ARHGAP30: variants seen among roughly 807,000 people sequenced by gnomAD.
The protein encoded by ARHGAP30 is rho GTPase-activating protein 30.
ARHGAP30 carries 23 observed loss-of-function variants against 72.0 expected under a neutral mutation model. The observed-to-expected ratio is 0.32, with a 90% CI of 0.23 to 0.45. ARHGAP30 has a LOEUF of 0.45. Among genes scored for constraint, ARHGAP30 ranks in the 20% least tolerant of loss-of-function variants. The pLI is 1.00. For synonymous variants in ARHGAP30, 576 were observed against 528.2 expected (o/e 1.09, Z -1.24); for missense variants, 1,319 against 1,383.4 (o/e 0.95, Z 0.74).
intron 1 of ARHGAP30, among the ~76,000 whole-genome samples, chr1:161,066,193 G>A (rs920905854): frequency 4.0e-5 from 6 of 149,822 alleles, no homozygotes; most frequent in Admixed American, 1.4e-4. Context: ...CTCCTCATAC[G>A]ACCTGGCTTT....
rs536144413 is a variant in ARHGAP30, at chr1:161,069,222, G to A, written c.97+306C>T. On this transcript the variant is annotated intron_variant, in intron 1 of 11. Coordinates refer to ENST00000368013, the MANE Select transcript of ARHGAP30 (RefSeq NM_001025598.2). This position sits in a 1 kb window ranked among gnomAD's most constrained non-coding sequence, Gnocchi z 4.9. ...CTCTCCTGTTCCCAGTCACCTGCCC[G>A]CTGTTTCATCCACTCCTCCTCGGTT... Among the ~76,000 whole-genome samples, 4 of 152,006 alleles carry A rather than the reference G, an allele frequency of 2.6e-5. No individual in the cohort carries two copies. Among genetic ancestry groups the A allele is most frequent in the African/African-American group, 9.7e-5 (4 of 41,434 alleles).
In ARHGAP30 at chr1:161,056,573, G is replaced by T. The variant is rs12038340; in HGVS notation, c.201-41C>A. The T allele has an allele frequency of 1.2e-3, 1,877 of 1,593,886 alleles. 41 individuals are homozygous for T. In the East Asian group the frequency reaches 0.041, roughly 34 times the overall value. On this transcript the variant is annotated intron_variant, in intron 2 of 11. Coordinates refer to ENST00000368013, the MANE Select transcript of ARHGAP30 (RefSeq NM_001025598.2). ...GTGGTCAGGAGTGGTAGGGGTTGGG[G>T]TGATGTGGGGAGAGGTGGGTCCCTA...
chr1:161,061,448 T>TAATTTTTGTATTTTTAGTA (rs1402254176), intron 1 of ARHGAP30, among the ~76,000 whole-genome samples: 25 of 112,802 alleles, frequency 2.2e-4, no homozygotes, highest in South Asian at 5.1e-4. Flanking sequence ...CCACCGCGCC[T>TAATTTTTGTATTTTTAGTA]GACCTGCTTT....
At position 161,066,509 on chromosome 1, in the gene ARHGAP30, G is replaced by T. The variant is rs932978750; in HGVS notation, c.97+3019C>A. On this transcript the variant is annotated intron_variant, in intron 1 of 11. Transcript: ENST00000368013. ...TAAAAAGTACAAAAATTAGCCAGGC[G>T]TGGTGGTGCCTGTAGTCCCAGCTAC... Among the ~76,000 whole-genome samples, 3 of 151,270 alleles carry T rather than the reference G, an allele frequency of 2.0e-5. No individual in the cohort carries two copies. The East Asian group carries it at 5.9e-4, about 30-fold the overall frequency.
At chr1:161,064,276 T>G (rs1652528752) in intron 1 of ARHGAP30, among the ~76,000 whole-genome samples, 1 of 152,208 alleles carries the variant, frequency 6.6e-6, no homozygotes, top group African/African-American at 2.4e-5. Context: ...CAGCCGACGC[T>G]TAGGAAAATA....
Position 161,069,108 on chromosome 1 carries a change from G to C in ARHGAP30, c.97+420C>G, listed in dbSNP as rs1652977765. Among the ~76,000 whole-genome samples, 1 of 151,956 alleles carries C rather than the reference G, an allele frequency of 6.6e-6. No individual in the cohort carries two copies. ...AAGGGCCATCTTGAGACCCTTCTGG[G>C]GCCATTTCCCTGTCTCCTTTCATTC... On this transcript the variant is annotated intron_variant, in intron 1 of 11. Coordinates refer to ENST00000368013, the MANE Select transcript of ARHGAP30 (RefSeq NM_001025598.2). The surrounding 1 kb of genome is among the most constrained non-coding windows in gnomAD (Gnocchi z 4.9).
intron 1 of ARHGAP30, among the ~76,000 whole-genome samples, chr1:161,063,355 A>G (rs1047979319): frequency 2.0e-5 from 3 of 152,190 alleles, no homozygotes; most frequent in African/African-American, 7.2e-5. Flanking sequence ...TAGTTCCCCA[A>G]ATTAATACTT....
chr1:161,049,021 C>A lies in ARHGAP30; in HGVS notation c.2000G>T (p.Gly667Val). The change falls in exon 12 of 12, where the codon GGC becomes GTC. Residue 667 changes from glycine (G) to valine (V), a missense_variant. Physicochemically the swap from Gly to Val is moderately radical, Grantham distance 109 (BLOSUM62 -3). Around this residue, in one of 2 missense-constraint regions of ARHGAP30, gnomAD observed 1,097 missense variants for 1,045.2 expected, o/e 1.05. Coordinates refer to ENST00000368013, the MANE Select transcript of ARHGAP30 (RefSeq NM_001025598.2). ...TGCCTCTTCCCTGATGTCTAGCCTG[C>A]CTCCAGGCTCAGCCTGCTTGTCCTC... is the stretch of plus-strand genomic sequence containing the variant. ...VGEDKQAEPGGRLDIREEAEG... is the reference protein window; with the variant it reads ...VGEDKQAEPGVRLDIREEAEG... 1 of 1,613,988 alleles carries A rather than the reference C, an allele frequency of 6.2e-7. No individual in the cohort carries two copies. The highest frequency in any genetic ancestry group is 8.5e-7 in the Non-Finnish European group (1 of 1,180,018).
chr1:161,055,659 C>T (rs983623930), intron 3 of ARHGAP30, among the ~76,000 whole-genome samples: 7 of 151,492 alleles, frequency 4.6e-5, no homozygotes, highest in Non-Finnish European at 8.8e-5. Flanking sequence ...GGCATTGTGG[C>T]GGGCTCTCCA....
Position 161,048,934 on chromosome 1 carries a change from C to G in ARHGAP30, c.2087G>C (p.Gly696Ala), listed in dbSNP as rs746576464. ...GKASEDRGEA[G>A]GSQETKVRLR... ...TCTGACTTTTGTCTCTTGGCTTCCC[C>G]CAGCCTCCCCTCTATCCTCACTGGC... is the stretch of plus-strand genomic sequence containing the variant. The change falls in exon 12 of 12, where the codon GGG (glycine) becomes GCG (alanine). Residue 696 changes from glycine to alanine, a missense_variant. Physicochemically the swap from Gly to Ala is moderately conservative, Grantham distance 60. Around this residue, in one of 2 missense-constraint regions of ARHGAP30, gnomAD observed 1,097 missense variants for 1,045.2 expected, o/e 1.05. Transcript: ENST00000368013. 6.2e-7 allele frequency: 1 copy of G among 1,614,050 alleles called. No homozygotes were observed. The highest frequency in any genetic ancestry group is 1.1e-5 in the South Asian group (1 of 91,080).
At chr1:161,058,946 T>C (rs1652115853) in intron 2 of ARHGAP30, among the ~76,000 whole-genome samples, 1 of 151,962 alleles carries the variant, frequency 6.6e-6, no homozygotes, top group Non-Finnish European at 1.5e-5. Context: ...ATATACCATG[T>C]GAATAGTATG....
chr1:161,051,676 C>T lies in ARHGAP30; in HGVS notation c.1058G>A (p.Ser353Asn). 6.2e-7 allele frequency: 1 copy of T among 1,612,480 alleles called. No homozygotes were observed. Reference protein sequence around the residue: ...GLVGPSSPRPSPLLPESLEND... With the variant: ...GLVGPSSPRPNPLLPESLEND... ...CTCCAAGCTCTCAGGCAGCAATGGGCTTGGCCGGGGGCTGCTGGGCCCCAC... is the reference window on the plus strand; with the variant it reads ...CTCCAAGCTCTCAGGCAGCAATGGGTTTGGCCGGGGGCTGCTGGGCCCCAC... Residue 353 changes from serine to asparagine, a missense_variant, in exon 10 of 12, where the codon AGC (serine) becomes AAC (asparagine). Transcript: ENST00000368013.
chr1:161,056,631 C>G, intron 2 of ARHGAP30, 99 bp from the exon 3 acceptor site: 1 of 1,347,906 alleles, frequency 7.4e-7, no homozygotes, highest in Non-Finnish European at 1.0e-6. Flanking sequence ...CGTGGGTCAA[C>G]ATGTGTTGGA....
chr1:161,047,074 T>A lies in ARHGAP30; in HGVS notation c.*641A>T. ...TTCCCTTTCCTGAAATAGGAACAAG[T>A]TATTCCAAAGGAGAAAGGAGAGCCC... On this transcript the variant is annotated 3_prime_UTR_variant, in exon 12 of 12. Transcript: ENST00000368013. The A allele has an allele frequency of 2.2e-6, 1 of 445,858 alleles. No individual in the cohort carries two copies. Among genetic ancestry groups the A allele is most frequent in the South Asian group, 1.7e-5 (1 of 60,298 alleles). 27.6% of individuals were successfully genotyped at this position (445,858 alleles called of 1,614,324 possible). A position where few individuals can be genotyped will look rare whatever the true frequency, so the allele number is the denominator to read the frequency against.
At chr1:161,055,861 A>AAAATAAAAT (rs1557926448) in intron 3 of ARHGAP30, among the ~76,000 whole-genome samples, 5 of 18,346 alleles carry the variant, frequency 2.7e-4, no homozygotes, top group South Asian at 1.3e-3. Flanking sequence ...TAAAATAAAT[A>AAAATAAAAT]AAATAAAATA....
At position 161,052,803 on chromosome 1, in the gene ARHGAP30, A is replaced by G; in HGVS notation, c.665-6T>C. On this transcript the variant is annotated splice_polypyrimidine_tract_variant and splice_region_variant and intron_variant, in intron 6 of 11. Coordinates refer to ENST00000368013, the MANE Select transcript of ARHGAP30 (RefSeq NM_001025598.2). Reference sequence around the variant, plus strand: ...CCCACTCTCCACCTCACCACCTGGGAAAAGAAAAGGAATTGGCCAGCCAGG... The same window carrying G: ...CCCACTCTCCACCTCACCACCTGGGGAAAGAAAAGGAATTGGCCAGCCAGG... The G allele has an allele frequency of 6.2e-7, 1 of 1,609,578 alleles. No individual in the cohort carries two copies. Among genetic ancestry groups the G allele is most frequent in the Non-Finnish European group, 8.5e-7 (1 of 1,178,692 alleles).
chr1:161,047,980 C>T lies in ARHGAP30; in HGVS notation c.3041G>A (p.Gly1014Glu), dbSNP rs1185575374. Residue 1014 changes from glycine (G) to glutamate (E), a missense_variant, in exon 12 of 12, where the codon GGA becomes GAA. Physicochemically the swap from Gly to Glu is moderately conservative, Grantham distance 98. Around this residue, in one of 2 missense-constraint regions of ARHGAP30, gnomAD observed 1,097 missense variants for 1,045.2 expected, o/e 1.05. Transcript: ENST00000368013. ...ARDRQRTEAQ[G>E]VRRTQTCTEG... ...AGTACAGGTCTGGGTTCGCCGAACTCCTTGAGCCTCAGTCCTTTGGCGGTC... is the reference window on the plus strand; with the variant it reads ...AGTACAGGTCTGGGTTCGCCGAACTTCTTGAGCCTCAGTCCTTTGGCGGTC... 4.2e-5 allele frequency: 67 copies of T among 1,614,042 alleles called. No homozygotes were observed. Among genetic ancestry groups the T allele is most frequent in the Non-Finnish European group, 5.5e-5 (65 of 1,180,018 alleles).
intron 1 of ARHGAP30, chr1:161,060,143 T>C (rs142669008): frequency 6.2e-5 from 25 of 406,020 alleles, no homozygotes; most frequent in East Asian, 5.9e-4. Flanking sequence ...AAATGGGGTG[T>C]GGTGGTACAT....
intron 3 of ARHGAP30, among the ~76,000 whole-genome samples, chr1:161,054,956 C>T (rs942181683): frequency 1.3e-5 from 2 of 152,112 alleles, no homozygotes; most frequent in Non-Finnish European, 2.9e-5. Context: ...TACCATCCTC[C>T]ATCCGTAGAG....
Sources: allele counts gnomAD v4.1 joint callset (sites outside exome capture counted in the v4.1 genomes callset), GRCh38; gene constraint gnomAD v4.1.1; regional missense constraint gnomAD v4.1.1; non-coding constraint Gnocchi (gnomAD v3.1); transcripts MANE v1.5; gene names NCBI Gene and HGNC (gene_info 2026-07-23, HGNC 2026-07-21).